The following DGCR2 variants were observed in gnomAD, a reference collection of about 807,000 sequenced individuals.
DGCR2 encodes the protein integral membrane protein DGCR2/IDD.
In DGCR2, 24 loss-of-function variants were observed where a neutral mutation model predicts 51.6. The ratio of observed to expected loss-of-function variants is 0.47; its 90% CI spans 0.34 to 0.65. The LOEUF (loss-of-function observed/expected upper bound fraction) is 0.65, where lower values mean the gene tolerates loss of function less well. DGCR2 is among the 30% of genes least tolerant of loss of function. DGCR2 has a pLI of 0.01. For synonymous variants in DGCR2, 340 were observed against 315.4 expected (o/e 1.08, Z -0.82); for missense variants, 765 against 772.1 (o/e 0.99, Z 0.11).
chr22:19,042,078 T>C lies in DGCR2; in HGVS notation c.1007-119A>G, dbSNP rs987528267. 2.5e-6 allele frequency: 3 copies of C among 1,178,262 alleles called. No homozygotes were observed. The African/African-American group carries it at 4.6e-5, about 18-fold the overall frequency. 73.0% of individuals were successfully genotyped at this position (1,178,262 alleles called of 1,614,324 possible). A position where few individuals can be genotyped will look rare whatever the true frequency, so the allele number is the denominator to read the frequency against. Reference sequence around the variant, plus strand: ...GTGGACAAGGCACACAGTGTCTCCCTGCACCCAACCATCTTTAGGATACAT... The same window carrying C: ...GTGGACAAGGCACACAGTGTCTCCCCGCACCCAACCATCTTTAGGATACAT... On this transcript the variant is annotated intron_variant, in intron 7 of 9. Coordinates refer to ENST00000263196, the MANE Select transcript of DGCR2 (RefSeq NM_005137.3).
intron 5 of DGCR2, among the ~76,000 whole-genome samples, chr22:19,059,691 CAT>C (rs1491503041): frequency 5.3e-5 from 8 of 152,104 alleles, no homozygotes; most frequent in African/African-American, 7.2e-5. Flanking sequence ...TATGTCCACA[CAT>C]GAGGTGTGCG....
At chr22:19,098,741 C>T (rs1233154000) in intron 1 of DGCR2, among the ~76,000 whole-genome samples, 1 of 152,100 alleles carries the variant, frequency 6.6e-6, no homozygotes, top group East Asian at 1.9e-4. Context: ...GCACATACCA[C>T]CATACTCAGC....
intron 1 of DGCR2, among the ~76,000 whole-genome samples, chr22:19,113,819 G>A (rs144276933): frequency 0.013 from 1,935 of 152,266 alleles, 11 homozygotes; most frequent in Non-Finnish European, 0.02. Flanking sequence ...AGCACTTTGG[G>A]AGGCCAAGGC....
intron 5 of DGCR2, among the ~76,000 whole-genome samples, chr22:19,062,775 G>GCTGTCTCTCTCTCTCTCTCTCT (rs2082686000): frequency 1.8e-5 from 2 of 108,860 alleles, no homozygotes; most frequent in Non-Finnish European, 3.9e-5. Context: ...ACACATGCAT[G>GCTGTCTCTCTCTCTCTCTCTCT]CTCACTCTCT....
chr22:19,087,131 G>C lies in DGCR2; in HGVS notation c.202+2237C>G, dbSNP rs375946282. On this transcript the variant is annotated intron_variant, in intron 2 of 9. Transcript: ENST00000263196. ...GGGAGGCTCCCACTCATAACCACATGGTCGTCCCCAGGCTGACCAACCAGG... is the reference window on the plus strand; with the variant it reads ...GGGAGGCTCCCACTCATAACCACATCGTCGTCCCCAGGCTGACCAACCAGG... 1.6e-3 allele frequency among the ~76,000 whole-genome samples: 242 copies of C among 152,280 alleles called. 3 individuals are homozygous for C. The highest frequency in any genetic ancestry group is 5.6e-3 in the African/African-American group (234 of 41,552).
At chr22:19,059,830 C>G (rs2082641625) in intron 5 of DGCR2, among the ~76,000 whole-genome samples, 1 of 152,128 alleles carries the variant, frequency 6.6e-6, no homozygotes, top group Non-Finnish European at 1.5e-5. Context: ...CCCACATGTG[C>G]GAGCAGCCAC....
chr22:19,053,263 T>A (rs745849390), intron 6 of DGCR2, among the ~76,000 whole-genome samples: 13 of 152,128 alleles, frequency 8.5e-5, no homozygotes, highest in Non-Finnish European at 5.9e-5. Context: ...AAGGCTCAGA[T>A]ACAGTTAGAA....
intron 7 of DGCR2, among the ~76,000 whole-genome samples, chr22:19,045,960 T>C (rs2082485006): frequency 6.6e-6 from 1 of 152,144 alleles, no homozygotes; most frequent in Non-Finnish European, 1.5e-5. Flanking sequence ...ACTCCTGATC[T>C]CAAGTGATCC....
At chr22:19,085,037 G>A (rs2082998696) in intron 2 of DGCR2, among the ~76,000 whole-genome samples, 1 of 151,768 alleles carries the variant, frequency 6.6e-6, no homozygotes, top group African/African-American at 2.4e-5. Flanking sequence ...TGCTGTGTCT[G>A]TGCAGAAAGA....
chr22:19,056,869 G>T, intron 6 of DGCR2, 117 bp downstream of exon 6: 1 of 1,158,276 alleles, frequency 8.6e-7, no homozygotes, highest in Non-Finnish European at 1.2e-6. Flanking sequence ...GCTGGTAAGG[G>T]GCGTCCACCG....
intron 1 of DGCR2, among the ~76,000 whole-genome samples, chr22:19,110,526 G>C (rs2083303275): frequency 6.6e-6 from 1 of 152,060 alleles, no homozygotes; most frequent in Non-Finnish European, 1.5e-5. Flanking sequence ...TTAAAACCTA[G>C]ATGACAGGTT....
intron 7 of DGCR2, chr22:19,046,327 T>C (rs1480648146): frequency 2.0e-5 from 3 of 152,370 alleles, no homozygotes; most frequent in Middle Eastern, 3.4e-3. Flanking sequence ...CTGTTACAGA[T>C]AGATTATATA....
chr22:19,119,006 T>A (rs2083402858), intron 1 of DGCR2, among the ~76,000 whole-genome samples: 1 of 152,216 alleles, frequency 6.6e-6, no homozygotes. Context: ...AGTGGTCACA[T>A]GGCCAAACAC....
Position 19,037,720 on chromosome 22 carries a change from CTG to C in DGCR2, c.*1143_*1144del, listed in dbSNP as rs1423536946. 3 of 152,522 alleles carry C rather than the reference CTG, an allele frequency of 2.0e-5. No individual in the cohort carries two copies. Among genetic ancestry groups the C allele is most frequent in the South Asian group, 2.1e-4 (1 of 4,826 alleles). The allele number at this position is 152,522 out of a possible 1,614,324, so 9.4% of individuals were successfully genotyped here. A position where few individuals can be genotyped will look rare whatever the true frequency, so the allele number is the denominator to read the frequency against. On this transcript the variant is annotated 3_prime_UTR_variant, in exon 10 of 10. Coordinates refer to ENST00000263196, the MANE Select transcript of DGCR2 (RefSeq NM_005137.3). The stretch of plus-strand genomic sequence containing the variant: ...CCAAACCTCAGAAATGTTAAAGGCC[CTG>C]TGTCAGGCAACAAAACCACTGCCCA...
intron 2 of DGCR2, among the ~76,000 whole-genome samples, chr22:19,083,195 G>A (rs1413718929): frequency 6.6e-6 from 1 of 152,154 alleles, no homozygotes; most frequent in African/African-American, 2.4e-5. Flanking sequence ...GTGAGTTAGG[G>A]ATCCAACTGC....
chr22:19,061,609 C>CT (rs1376264320), intron 5 of DGCR2: 2 of 152,194 alleles, frequency 1.3e-5, no homozygotes, highest in African/African-American at 4.8e-5. Context: ...TCTTTAATCT[C>CT]TTTAAGCCCA....
intron 1 of DGCR2, among the ~76,000 whole-genome samples, chr22:19,115,112 GCC>G (rs1225452052): frequency 6.6e-6 from 1 of 152,172 alleles, no homozygotes; most frequent in Non-Finnish European, 1.5e-5. Flanking sequence ...AGCATGTGCA[GCC>G]CATGCAGCCC....
At chr22:19,088,722 C>A (rs1379161356) in intron 2 of DGCR2, among the ~76,000 whole-genome samples, 1 of 152,192 alleles carries the variant, frequency 6.6e-6, no homozygotes, top group Non-Finnish European at 1.5e-5. Flanking sequence ...CACACATGCA[C>A]AAGTACTCAC....
Position 19,041,133 on chromosome 22 carries a change from T to C in DGCR2, c.1321A>G (p.Ile441Val), listed in dbSNP as rs771283277. ...GGCGGAGGGTCGTCGGGCTGGCCGATGTCCGGGTACTTGTATGCCGTGTAG... is the reference window on the plus strand; with the variant it reads ...GGCGGAGGGTCGTCGGGCTGGCCGACGTCCGGGTACTTGTATGCCGTGTAG... The part of the protein sequence containing the change: ...PPYTAYKYPD[I>V]GQPDDPPPPY... The change falls in exon 9 of 10, where the codon ATC (isoleucine) becomes GTC (valine). Residue 441 changes from isoleucine to valine, a missense_variant. By Grantham distance (29) the Ile-to-Val change is conservative. This residue lies in a region of DGCR2 where 205 missense variants were observed against 181.4 expected (regional missense o/e 1.13). Coordinates refer to ENST00000263196, the MANE Select transcript of DGCR2 (RefSeq NM_005137.3). 3 of 1,613,988 alleles carry C rather than the reference T, an allele frequency of 1.9e-6. No individual in the cohort carries two copies. The highest frequency in any genetic ancestry group is 1.7e-5 in the Admixed American group (1 of 60,002).
Sources: gnomAD v4.1 joint callset for allele counts (sites outside exome capture counted in the v4.1 genomes callset) on GRCh38, gnomAD v4.1.1 for gene constraint, gnomAD v4.1.1 regional missense constraint, MANE v1.5 for transcripts, NCBI Gene and HGNC (gene_info 2026-07-23, HGNC 2026-07-21) for gene names.